NKAIN3: variants seen among roughly 807,000 people sequenced by gnomAD.
NKAIN3 encodes the protein sodium/potassium-transporting ATPase subunit beta-1-interacting protein 3.
In NKAIN3, 25 loss-of-function variants were observed where a neutral mutation model predicts 30.2. The ratio of observed to expected loss-of-function variants is 0.83; its 90% CI spans 0.60 to 1.16. The LOEUF (loss-of-function observed/expected upper bound fraction) is 1.16, where lower values mean the gene tolerates loss of function less well. NKAIN3 is among the 50% of genes most tolerant of loss of function. The pLI is 0.00. For synonymous variants in NKAIN3, 91 were observed against 89.6 expected, an observed-to-expected ratio of 1.02 and a Z score of -0.09; for missense variants, 225 against 254.1, an observed-to-expected ratio of 0.89 and a Z score of 0.78.
At chr8:62,805,790 A>G (rs186460304) in intron 4 of NKAIN3, among the ~76,000 whole-genome samples, 1,632 of 152,344 alleles carry the variant, frequency 0.011, 26 homozygotes, top group African/African-American at 0.037. Flanking sequence ...ACAAAAGCCA[A>G]AATGGACAAA....
chr8:62,907,517 GC>G (rs953534801), intron 4 of NKAIN3, among the ~76,000 whole-genome samples: 1 of 152,092 alleles, frequency 6.6e-6, no homozygotes, highest in South Asian at 2.1e-4. Flanking sequence ...TCATGGCAGC[GC>G]CCCCCATAAC....
intron 5 of NKAIN3, among the ~76,000 whole-genome samples, chr8:62,924,726 C>T (rs576013550): frequency 6.6e-6 from 1 of 152,308 alleles, no homozygotes; most frequent in African/African-American, 2.4e-5. Context: ...ATACCATAGA[C>T]TGGGTAGCTT....
intron 5 of NKAIN3, among the ~76,000 whole-genome samples, chr8:62,998,254 T>TTCTC (rs749712108): frequency 1.3e-5 from 2 of 151,246 alleles, no homozygotes; most frequent in East Asian, 1.9e-4. Context: ...TCATTTTTCT[T>TTCTC]TCTCTCTCTC....
chr8:62,708,417 T>C (rs1463986804), intron 3 of NKAIN3, among the ~76,000 whole-genome samples: 1 of 152,152 alleles, frequency 6.6e-6, no homozygotes, highest in African/African-American at 2.4e-5. Flanking sequence ...TGTTTTGTAA[T>C]TTTCTTCATA....
At position 62,410,100 on chromosome 8, in the gene NKAIN3, C is replaced by G. The variant is rs1268139052; in HGVS notation, c.54+160973C>G. 2.0e-5 allele frequency among the ~76,000 whole-genome samples: 3 copies of G among 152,022 alleles called. No homozygotes were observed. In the East Asian group the frequency reaches 5.8e-4, roughly 29 times the overall value. On this transcript the variant is annotated intron_variant, in intron 1 of 6. Transcript: ENST00000623646. Reference sequence around the variant, plus strand: ...GGTAATTTTGGGACCCCCTCCTCCTCCCTCCCTTCCCCCTCTGTAGTCTGC... The same window carrying G: ...GGTAATTTTGGGACCCCCTCCTCCTGCCTCCCTTCCCCCTCTGTAGTCTGC...
At chr8:62,297,322 G>A (rs1813867004) in intron 1 of NKAIN3, among the ~76,000 whole-genome samples, 1 of 152,076 alleles carries the variant, frequency 6.6e-6, no homozygotes. Flanking sequence ...ATTGACAAAT[G>A]GGATCTAATT....
At chr8:62,606,012 A>T (rs1354559302) in intron 3 of NKAIN3, among the ~76,000 whole-genome samples, 1 of 152,176 alleles carries the variant, frequency 6.6e-6, no homozygotes, top group Non-Finnish European at 1.5e-5. Context: ...TAACATGCTG[A>T]TCTTCACAGA....
intron 4 of NKAIN3, among the ~76,000 whole-genome samples, chr8:62,754,288 T>C (rs1257838451): frequency 6.6e-6 from 1 of 152,042 alleles, no homozygotes; most frequent in Non-Finnish European, 1.5e-5. Context: ...TAATATCCAA[T>C]TTAAGTCCCT....
chr8:62,468,256 G>C (rs776384063), intron 1 of NKAIN3, among the ~76,000 whole-genome samples: 1 of 152,110 alleles, frequency 6.6e-6, no homozygotes, highest in Non-Finnish European at 1.5e-5. Context: ...CAGAAATTAG[G>C]ATCATGAAAA....
chr8:62,537,391 T>C (rs1336410033), intron 1 of NKAIN3, among the ~76,000 whole-genome samples: 1 of 152,222 alleles, frequency 6.6e-6, no homozygotes, highest in Non-Finnish European at 1.5e-5. Context: ...TTCTTTCTAC[T>C]TAAGCAGTTC....
At position 62,830,181 on chromosome 8, in the gene NKAIN3, A is replaced by G. The variant is rs1340294017; in HGVS notation, c.471+83052A>G. Among the ~76,000 whole-genome samples, 8 of 152,288 alleles carry G rather than the reference A, an allele frequency of 5.3e-5. No individual in the cohort carries two copies. In the East Asian group the frequency reaches 1.5e-3, roughly 29 times the overall value. The stretch of plus-strand genomic sequence containing the variant: ...AAAATTTCTAGGTACATTTTCAGAA[A>G]CCTATATTTTCTGGTTTTGTTTTCA... On this transcript the variant is annotated intron_variant, in intron 4 of 6. Coordinates refer to ENST00000623646, the MANE Select transcript of NKAIN3 (RefSeq NM_001304533.3).
intron 1 of NKAIN3, among the ~76,000 whole-genome samples, chr8:62,549,813 AT>A (rs1809136281): frequency 6.6e-6 from 1 of 151,302 alleles, no homozygotes; most frequent in South Asian, 2.1e-4. Context: ...ATATTTACAT[AT>A]TCAAATACAT....
intron 1 of NKAIN3, among the ~76,000 whole-genome samples, chr8:62,335,869 T>C (rs1279607835): frequency 4.6e-5 from 7 of 151,990 alleles, no homozygotes; most frequent in Non-Finnish European, 1.5e-5. Context: ...CATGTACACA[T>C]TTGGTTCTGA....
intron 1 of NKAIN3, among the ~76,000 whole-genome samples, chr8:62,393,106 G>A (rs1817624658): frequency 6.6e-6 from 1 of 151,996 alleles, no homozygotes; most frequent in South Asian, 2.1e-4. Context: ...AGACACCAGA[G>A]TATTGCATAT....
chr8:62,342,286 GA>G (rs1338151303), intron 1 of NKAIN3, among the ~76,000 whole-genome samples: 1 of 138,302 alleles, frequency 7.2e-6, no homozygotes, highest in East Asian at 2.2e-4. Flanking sequence ...AAGAAGAAAA[GA>G]AAATCTTTCT....
At chr8:62,268,306 G>T (rs1812668782) in intron 1 of NKAIN3, among the ~76,000 whole-genome samples, 1 of 152,170 alleles carries the variant, frequency 6.6e-6, no homozygotes, top group Non-Finnish European at 1.5e-5. Flanking sequence ...GAGAAAGACT[G>T]TCCATATCTA....
rs573240490 is a variant in NKAIN3 at position 62,823,107 on chromosome 8, A to G, written c.471+75978A>G. Among the ~76,000 whole-genome samples the G allele has an allele frequency of 2.6e-5, 4 of 152,256 alleles. No individual in the cohort carries two copies. The South Asian group carries it at 8.3e-4, about 32-fold the overall frequency. The stretch of plus-strand genomic sequence containing the variant: ...TGGGTGAGTCAGTGGGTGAGTGGTG[A>G]GTGAATGTGAAGGCCTGGGCGATTA... On this transcript the variant is annotated intron_variant, in intron 4 of 6. Coordinates refer to ENST00000623646, the MANE Select transcript of NKAIN3 (RefSeq NM_001304533.3).
At chr8:62,463,730 A>G (rs1243555055) in intron 1 of NKAIN3, among the ~76,000 whole-genome samples, 2 of 152,236 alleles carry the variant, frequency 1.3e-5, no homozygotes, top group East Asian at 1.9e-4. Flanking sequence ...GAAACTGTAT[A>G]TAACACCAGA....
chr8:62,436,747 G>A (rs144635870), intron 1 of NKAIN3, among the ~76,000 whole-genome samples: 232 of 152,120 alleles, frequency 1.5e-3, no homozygotes, highest in African/African-American at 4.9e-3. Context: ...TATGCATTAC[G>A]GAATCAGACA....
Sources: allele counts gnomAD v4.1 joint callset (sites outside exome capture counted in the v4.1 genomes callset), GRCh38; gene constraint gnomAD v4.1.1; transcripts MANE v1.5; gene names NCBI Gene and HGNC (gene_info 2026-07-23, HGNC 2026-07-21).